Variants in ACTR3B observed in about 807,000 individuals in gnomAD.
ACTR3B encodes the protein actin-related protein 3B.
In ACTR3B, 8 loss-of-function variants were observed where a neutral mutation model predicts 59.0. The observed-to-expected ratio is 0.14, with a 90% confidence interval of 0.08 to 0.24. ACTR3B has a LOEUF of 0.24. ACTR3B is among the 10% of genes least tolerant of loss of function. ACTR3B has a pLI of 1.00. For synonymous variants in ACTR3B, 148 were observed against 197.9 expected, an observed-to-expected ratio of 0.75 and a Z score of 2.12; for missense variants, 245 against 552.3, an observed-to-expected ratio of 0.44 and a Z score of 5.58.
chr7:152,771,934 G>A (rs1052914220), intron 1 of ACTR3B, among the ~76,000 whole-genome samples: 9 of 152,082 alleles, frequency 5.9e-5, no homozygotes. Flanking sequence ...GTGTGGTGGT[G>A]CATGCCTGTA....
chr7:152,808,511 A>G (rs892143606), intron 4 of ACTR3B, among the ~76,000 whole-genome samples: 11 of 151,990 alleles, frequency 7.2e-5, no homozygotes, highest in Non-Finnish European at 1.3e-4. Context: ...GCAGGGAGCC[A>G]GGGTTAATCT....
intron 9 of ACTR3B, among the ~76,000 whole-genome samples, chr7:152,837,560 GA>G (rs1348261024): frequency 6.6e-6 from 1 of 152,244 alleles, no homozygotes; most frequent in Non-Finnish European, 1.5e-5. Flanking sequence ...GGGGTACTAA[GA>G]AAATGAGTGG....
rs147138102 is a variant in ACTR3B at position 152,822,712 on chromosome 7, A to G, written c.685-630A>G. Among the ~76,000 whole-genome samples the G allele has an allele frequency of 2.8e-3, 425 of 152,338 alleles. 1 individual carries two copies. The highest frequency in any genetic ancestry group is 9.9e-3 in the African/African-American group (411 of 41,572). On this transcript the variant is annotated intron_variant, in intron 7 of 11. Transcript: ENST00000256001. The stretch of plus-strand genomic sequence containing the variant: ...TGTATCCCAAGTGCCTAGACAATAA[A>G]TCTGTGTTGATTGAGGGACTTAGAA...
chr7:152,795,016 A>G (rs896336248), intron 2 of ACTR3B, among the ~76,000 whole-genome samples: 2 of 150,176 alleles, frequency 1.3e-5, no homozygotes, highest in Non-Finnish European at 2.9e-5. Context: ...CTTCTGAGAA[A>G]AAGGCTTCAG....
At chr7:152,820,582 C>G in intron 7 of ACTR3B, 140 bp downstream of exon 7, 1 of 1,422,804 alleles carries the variant, frequency 7.0e-7, no homozygotes, top group South Asian at 1.5e-5. Flanking sequence ...TGTTTTACCC[C>G]TTAAGTGGGC....
chr7:152,763,501 G>T (rs1414382754), intron 1 of ACTR3B, among the ~76,000 whole-genome samples: 6 of 151,542 alleles, frequency 4.0e-5, no homozygotes, highest in Middle Eastern at 3.4e-3. Context: ...TCTGCTCACT[G>T]CAACCTCTGT....
intron 9 of ACTR3B, among the ~76,000 whole-genome samples, chr7:152,847,885 T>C (rs1798481236): frequency 6.6e-6 from 1 of 152,072 alleles, no homozygotes; most frequent in Admixed American, 6.5e-5. Context: ...ATCCCTACAG[T>C]GGATAATGAT....
At chr7:152,813,047 A>G (rs1226499434) in intron 4 of ACTR3B, 1 of 90,058 alleles carries the variant, frequency 1.1e-5, no homozygotes, top group African/African-American at 4.1e-5. Flanking sequence ...TGGGGAGAGA[A>G]TAGGAGAGAG....
At chr7:152,766,997 AG>A (rs2098112449) in intron 1 of ACTR3B, among the ~76,000 whole-genome samples, 1 of 151,820 alleles carries the variant, frequency 6.6e-6, no homozygotes, top group Admixed American at 6.6e-5. Flanking sequence ...CATATTGGTC[AG>A]GCTGATCTCA....
intron 1 of ACTR3B, among the ~76,000 whole-genome samples, chr7:152,772,963 A>G (rs1340361507): frequency 1.3e-5 from 2 of 150,838 alleles, no homozygotes; most frequent in African/African-American, 4.9e-5. Flanking sequence ...ATCTTTCAGA[A>G]TATGTAGTTA....
intron 9 of ACTR3B, among the ~76,000 whole-genome samples, chr7:152,844,524 G>C (rs1382284256): frequency 6.6e-6 from 1 of 151,838 alleles, no homozygotes; most frequent in Admixed American, 6.6e-5. Flanking sequence ...ATTTGAAATA[G>C]AAATTTATCT....
chr7:152,767,222 G>T (rs1001540396), intron 1 of ACTR3B, among the ~76,000 whole-genome samples: 9 of 151,950 alleles, frequency 5.9e-5, no homozygotes, highest in Non-Finnish European at 1.3e-4. Context: ...GGCTATGGCT[G>T]TCCTGTTTAT....
At chr7:152,775,624 T>G (rs1457992926) in intron 1 of ACTR3B, among the ~76,000 whole-genome samples, 2 of 151,926 alleles carry the variant, frequency 1.3e-5, no homozygotes, top group Non-Finnish European at 2.9e-5. Context: ...CTGGGCGTGG[T>G]GGTGCATGCC....
At chr7:152,836,268 G>A (rs1349207634) in intron 9 of ACTR3B, among the ~76,000 whole-genome samples, 6 of 152,292 alleles carry the variant, frequency 3.9e-5, no homozygotes, top group Admixed American at 3.3e-4. Context: ...AACTGCGAAA[G>A]TAAACAAACC....
At chr7:152,767,239 A>T (rs1261255977) in intron 1 of ACTR3B, among the ~76,000 whole-genome samples, 1 of 152,052 alleles carries the variant, frequency 6.6e-6, no homozygotes, top group Non-Finnish European at 1.5e-5. Context: ...TTATCTCAAC[A>T]TAATTTATGG....
intron 9 of ACTR3B, among the ~76,000 whole-genome samples, chr7:152,826,279 A>G (rs1295756259): frequency 2.0e-5 from 3 of 152,138 alleles, no homozygotes; most frequent in African/African-American, 7.2e-5. Flanking sequence ...TATATAAAAT[A>G]TATAGTTTGC....
Position 152,854,408 on chromosome 7 carries a change from G to T in ACTR3B, c.1162-50G>T, listed in dbSNP as rs1440462921. On this transcript the variant is annotated intron_variant, in intron 11 of 11. Transcript: ENST00000256001. The surrounding 1 kb of genome is among the most constrained non-coding windows in gnomAD (Gnocchi z 4.9). ...TGCCTGCTTGGTAGCTGGTTCCCTTGACTTTCTTCTGAAATGAGTGTCTTT... is the reference window on the plus strand; with the variant it reads ...TGCCTGCTTGGTAGCTGGTTCCCTTTACTTTCTTCTGAAATGAGTGTCTTT... The T allele has an allele frequency of 6.4e-7, 1 of 1,562,898 alleles. No individual in the cohort carries two copies. Among genetic ancestry groups the T allele is most frequent in the African/African-American group, 1.4e-5 (1 of 73,756 alleles).
chr7:152,806,545 C>T (rs577578902), intron 4 of ACTR3B, among the ~76,000 whole-genome samples: 1 of 152,270 alleles, frequency 6.6e-6, no homozygotes, highest in East Asian at 1.9e-4. Flanking sequence ...CTAACAATCT[C>T]TCTACTCTAG....
At chr7:152,835,370 C>T (rs551283635) in intron 9 of ACTR3B, among the ~76,000 whole-genome samples, 4 of 152,294 alleles carry the variant, frequency 2.6e-5, no homozygotes, top group East Asian at 1.9e-4. Context: ...GGTTCAGTTT[C>T]GGACCATCCC....
Sources: allele counts gnomAD v4.1 joint callset (sites outside exome capture counted in the v4.1 genomes callset), GRCh38; gene constraint gnomAD v4.1.1; non-coding constraint Gnocchi (gnomAD v3.1); transcripts MANE v1.5; gene names NCBI Gene and HGNC (gene_info 2026-07-23, HGNC 2026-07-21).